Variants in DNAH5 observed in about 807,000 individuals in gnomAD.
DNAH5 encodes dynein axonemal heavy chain 5.
A neutral mutation model predicts 518.2 loss-of-function variants in DNAH5; 372 were observed. The observed-to-expected ratio is 0.72, with a 90% CI of 0.66 to 0.78. The LOEUF (loss-of-function observed/expected upper bound fraction) is 0.78, where lower values mean the gene tolerates loss of function less well. Among genes scored for constraint, DNAH5 ranks in the 30% least tolerant of loss-of-function variants. DNAH5 has a pLI of 0.00. For missense variants in DNAH5, 5,523 were observed against 5,687.0 expected (o/e 0.97, Z 0.93); for synonymous variants, 2,039 against 2,025.9 (o/e 1.01, Z -0.17).
At chr5:13,823,801 G>A (rs1195485277) in intron 39 of DNAH5, among the ~76,000 whole-genome samples, 1 of 152,164 alleles carries the variant, frequency 6.6e-6, no homozygotes, top group Non-Finnish European at 1.5e-5. Flanking sequence ...CACGGATAGT[G>A]GGCATTGATT....
intron 55 of DNAH5, among the ~76,000 whole-genome samples, chr5:13,775,133 G>GTTTTTTTTTTT (rs34258148): frequency 9.0e-6 from 1 of 110,860 alleles, no homozygotes; most frequent in African/African-American, 3.6e-5. Context: ...ACTCCTTTTT[G>GTTTTTTTTTTT]TTTTTTTTTT....
In DNAH5 at chr5:13,911,283, T is replaced by A. The variant is rs1358620743; in HGVS notation, c.1644+103A>T. On this transcript the variant is annotated intron_variant, in intron 12 of 78. Coordinates refer to ENST00000265104, the MANE Select transcript of DNAH5 (RefSeq NM_001369.3). ...AGGTTGCTATCGGTCACCTCCATGATGAAGATACCTCTGCCTTCTGATTGG... is the reference window on the plus strand; with the variant it reads ...AGGTTGCTATCGGTCACCTCCATGAAGAAGATACCTCTGCCTTCTGATTGG... 6 of 885,704 alleles carry A rather than the reference T, an allele frequency of 6.8e-6. No homozygotes were observed. The African/African-American group carries it at 9.9e-5, about 15-fold the overall frequency. The allele number at this position is 885,704 out of a possible 1,614,324, so 54.9% of individuals were successfully genotyped here. A position where few individuals can be genotyped will look rare whatever the true frequency, so the allele number is the denominator to read the frequency against.
chr5:13,996,559 CA>C (rs1783970354), intron 1 of DNAH5, among the ~76,000 whole-genome samples: 1 of 152,152 alleles, frequency 6.6e-6, no homozygotes. Context: ...ATCCCCCCTC[CA>C]AAAAGGAGTA....
At chr5:13,774,295 T>C (rs1463352808) in intron 55 of DNAH5, among the ~76,000 whole-genome samples, 2 of 152,010 alleles carry the variant, frequency 1.3e-5, no homozygotes, top group East Asian at 3.9e-4. Context: ...AGGGGAGGTG[T>C]TGATGACAAA....
chr5:13,991,102 T>C (rs1010587545), intron 1 of DNAH5, among the ~76,000 whole-genome samples: 4 of 152,174 alleles, frequency 2.6e-5, no homozygotes, highest in African/African-American at 4.8e-5. Context: ...TTTGTCTCTC[T>C]AGAGCATGCC....
At chr5:13,995,874 G>C (rs1319005752) in intron 1 of DNAH5, among the ~76,000 whole-genome samples, 1 of 152,120 alleles carries the variant, frequency 6.6e-6, no homozygotes, top group Non-Finnish European at 1.5e-5. Context: ...TGGAGAGATG[G>C]AATGCAAAAA....
chr5:13,975,383 G>A (rs2152061140), intron 1 of DNAH5, among the ~76,000 whole-genome samples: 1 of 152,288 alleles, frequency 6.6e-6, no homozygotes. Flanking sequence ...TTCAAGATGA[G>A]ATTTGCTTGG....
At chr5:13,897,037 C>T (rs1237276019) in intron 15 of DNAH5, among the ~76,000 whole-genome samples, 1 of 152,130 alleles carries the variant, frequency 6.6e-6, no homozygotes, top group Non-Finnish European at 1.5e-5. Flanking sequence ...CAATATCTCC[C>T]CTCTTGGGTG....
intron 48 of DNAH5, 84 bp downstream of exon 48, chr5:13,793,852 A>G: frequency 6.4e-7 from 1 of 1,556,508 alleles, no homozygotes; most frequent in Non-Finnish European, 8.7e-7. Context: ...AAAAGTAAAA[A>G]CTTAAAAAAA....
At chr5:13,990,253 A>T (rs1199997810) in intron 1 of DNAH5, among the ~76,000 whole-genome samples, 1 of 152,096 alleles carries the variant, frequency 6.6e-6, no homozygotes, top group Non-Finnish European at 1.5e-5. Flanking sequence ...TAAAAACTTT[A>T]AAAAATTGGG....
At position 13,888,937 on chromosome 5, in the gene DNAH5, A is replaced by G. The variant is rs188656144; in HGVS notation, c.2577+2039T>C. Among the ~76,000 whole-genome samples, 29 of 152,328 alleles carry G rather than the reference A, an allele frequency of 1.9e-4. No homozygotes were observed. In the East Asian group the frequency reaches 4.4e-3, roughly 23 times the overall value. ...AAGAAACTGGTAAGTAAATTACAGT[A>G]TATCAACTCAACAGAATATTCTGAA... On this transcript the variant is annotated intron_variant, in intron 17 of 78. Coordinates refer to ENST00000265104, the MANE Select transcript of DNAH5 (RefSeq NM_001369.3).
rs1015446414 is a variant in DNAH5, at chr5:13,786,255, T to C, written c.8744A>G (p.Gln2915Arg). Residue 2915 changes from glutamine to arginine, a missense_variant, in exon 52 of 79, where the codon CAG becomes CGG. By Grantham distance (43) the Gln-to-Arg change is conservative. This residue lies in a region of DNAH5 where 5,121 missense variants were observed against 5,223.3 expected (regional missense o/e 0.98). Coordinates refer to ENST00000265104, the MANE Select transcript of DNAH5 (RefSeq NM_001369.3). ...HLKERLNMFL[Q>R]LYNESIRGAG... Reference sequence around the variant, plus strand: ...GCCACGGATGCTCTCATTATAGAGCTGCAGGAACATATTCAGACGCTCTTT... The same window carrying C: ...GCCACGGATGCTCTCATTATAGAGCCGCAGGAACATATTCAGACGCTCTTT... The C allele has an allele frequency of 1.2e-5, 19 of 1,613,994 alleles. No individual in the cohort carries two copies. Among genetic ancestry groups the C allele is most frequent in the African/African-American group, 2.7e-5 (2 of 74,938 alleles).
At chr5:13,769,251 T>C (rs962980353) in intron 57 of DNAH5, 115 bp from the exon 58 acceptor site, 1 of 1,105,640 alleles carries the variant, frequency 9.0e-7, no homozygotes, top group Admixed American at 2.3e-5. Context: ...TTTGTTGTTT[T>C]TTTTTTTTTT....
In DNAH5 at chr5:13,801,378, T is replaced by C. The variant is rs548296833; in HGVS notation, c.7887+6213A>G. On this transcript the variant is annotated intron_variant, in intron 47 of 78. Transcript: ENST00000265104. ...GGCCTCCCCAGCCACGTTTCCCGTA[T>C]AGTCTGTGGAATCATGAGCCAATTA... 3.3e-4 allele frequency among the ~76,000 whole-genome samples: 51 copies of C among 152,328 alleles called. No homozygotes were observed. In the South Asian group the frequency reaches 8.3e-3, roughly 25 times the overall value.
chr5:13,923,683 G>A (rs1777543142), intron 3 of DNAH5, among the ~76,000 whole-genome samples: 1 of 152,164 alleles, frequency 6.6e-6, no homozygotes, highest in African/African-American at 2.4e-5. Context: ...AGGGAAGGAG[G>A]ACAATGTATC....
chr5:13,717,664 ATAAT>A, intron 72 of DNAH5, 144 bp from the exon 73 acceptor site: 2 of 792,300 alleles, frequency 2.5e-6, no homozygotes, highest in Admixed American at 2.1e-5. Flanking sequence ...TGTGACAATA[ATAAT>A]TTAACTTTTG....
intron 35 of DNAH5, among the ~76,000 whole-genome samples, chr5:13,838,868 G>A (rs1342698400): frequency 6.6e-6 from 1 of 151,908 alleles, no homozygotes; most frequent in Non-Finnish European, 1.5e-5. Flanking sequence ...GCAGTGGCAG[G>A]TGTCACTAAC....
At chr5:13,762,063 T>C (rs1751861638) in intron 60 of DNAH5, among the ~76,000 whole-genome samples, 3 of 152,198 alleles carry the variant, frequency 2.0e-5, no homozygotes, top group Admixed American at 1.3e-4. Context: ...TTTTGAGACA[T>C]CAGCATTTCA....
intron 58 of DNAH5, among the ~76,000 whole-genome samples, chr5:13,766,857 A>G (rs6888573): frequency 0.11 from 16,649 of 152,262 alleles, 1,044 homozygotes; most frequent in East Asian, 0.33. Flanking sequence ...TCACTATGGA[A>G]TAAGTATTGA....
Sources: gnomAD v4.1 joint callset for allele counts (sites outside exome capture counted in the v4.1 genomes callset) on GRCh38, gnomAD v4.1.1 for gene constraint, gnomAD v4.1.1 regional missense constraint, MANE v1.5 for transcripts, NCBI Gene and HGNC (gene_info 2026-07-23, HGNC 2026-07-21) for gene names.